Variants in FANCB observed in about 807,000 individuals in gnomAD.
FANCB encodes FA complementation group B, also known as Fanconi anemia group B protein.
FANCB carries 5 observed loss-of-function variants against 38.9 expected under a neutral mutation model. The observed-to-expected ratio is 0.13, with a 90% CI of 0.07 to 0.27. The LOEUF (loss-of-function observed/expected upper bound fraction) is 0.27. Among genes scored for constraint, FANCB ranks in the 10% least tolerant of loss-of-function variants. FANCB has a pLI of 1.00. For synonymous variants in FANCB, 236 were observed against 215.4 expected, an observed-to-expected ratio of 1.10 and a Z score of -0.84; for missense variants, 573 against 602.7, an observed-to-expected ratio of 0.95 and a Z score of 0.52.
the FANCB span, among the ~76,000 whole-genome samples, chrX:14,691,221 T>C: frequency 1.3e-4 from 14 of 111,143 alleles, no homozygotes; most frequent in Non-Finnish European, 2.6e-4. Flanking sequence ...TGGGGATATA[T>C]ACTTGATTTG....
chrX:14,767,301 C>T, the FANCB span, among the ~76,000 whole-genome samples: 1 of 111,956 alleles, frequency 8.9e-6, no homozygotes, highest in African/African-American at 3.2e-5. Context: ...TTTACACTCC[C>T]ACCAACAGTG....
the FANCB span, among the ~76,000 whole-genome samples, chrX:14,763,179 C>T: frequency 9.0e-6 from 1 of 111,672 alleles, no homozygotes; most frequent in African/African-American, 3.3e-5. Context: ...CACTTCCACT[C>T]CTAAATATCT....
chrX:14,833,675 G>A (rs1328878251), downstream of FANCB, among the ~76,000 whole-genome samples: 1 of 12,981 alleles, frequency 7.7e-5, no homozygotes, highest in Non-Finnish European at 1.4e-4. Flanking sequence ...GGCTGGGTGT[G>A]GGGGGGGTTC....
At chrX:14,756,755 CT>C in the FANCB span, among the ~76,000 whole-genome samples, 1 of 111,845 alleles carries the variant, frequency 8.9e-6, no homozygotes, top group Non-Finnish European at 1.9e-5. Flanking sequence ...AAAACAGTTT[CT>C]TTTGTTTTAT....
chrX:14,691,277 G>C, the FANCB span, among the ~76,000 whole-genome samples: 82 of 23,291 alleles, frequency 3.5e-3, 2 homozygotes, highest in Non-Finnish European at 1.3e-3. Flanking sequence ...TTGACTGTGT[G>C]TGTGTGTGTG....
intron 1 of FANCB, among the ~76,000 whole-genome samples, chrX:14,871,920 C>T (rs950568071): frequency 9.1e-6 from 1 of 109,849 alleles, no homozygotes; most frequent in Non-Finnish European, 1.9e-5. Flanking sequence ...GACATAGGCA[C>T]TGTTACTATC....
chrX:14,831,888 AT>A (rs1353700068), downstream of FANCB, among the ~76,000 whole-genome samples: 1 of 111,416 alleles, frequency 9.0e-6, no homozygotes, highest in Non-Finnish European at 1.9e-5. Flanking sequence ...GTAGCATGAA[AT>A]AGGGAGTAGC....
chrX:14,721,847 T>C, the FANCB span, among the ~76,000 whole-genome samples: 4 of 111,744 alleles, frequency 3.6e-5, no homozygotes, highest in South Asian at 1.5e-3. Context: ...GTGCTCTATC[T>C]GGAAATCTCC....
At chrX:14,855,630 T>G (rs2147418633) in intron 5 of FANCB, among the ~76,000 whole-genome samples, 1 of 112,655 alleles carries the variant, frequency 8.9e-6, no homozygotes, top group South Asian at 3.6e-4. Flanking sequence ...GTGTTTTTGC[T>G]TGAAAGAGAT....
chrX:14,840,322 C>T (rs2092351796), downstream of FANCB, among the ~76,000 whole-genome samples: 1 of 111,973 alleles, frequency 8.9e-6, no homozygotes, highest in South Asian at 3.7e-4. Flanking sequence ...ATAAGGGCCA[C>T]CTACTTCCAG....
chrX:14,754,846 A>C, the FANCB span, among the ~76,000 whole-genome samples: 1 of 111,587 alleles, frequency 9.0e-6, no homozygotes, highest in Admixed American at 9.5e-5. Context: ...CATTCTCTGA[A>C]ACCAGCATTA....
the FANCB span, among the ~76,000 whole-genome samples, chrX:14,693,342 A>G: frequency 8.9e-6 from 1 of 112,076 alleles, no homozygotes; most frequent in East Asian, 2.8e-4. Flanking sequence ...AATATTAGAT[A>G]AAGTAGACTT....
chrX:14,758,762 T>C, the FANCB span, among the ~76,000 whole-genome samples: 4 of 111,837 alleles, frequency 3.6e-5, no homozygotes, highest in Non-Finnish European at 7.5e-5. Flanking sequence ...TGACATAGTC[T>C]ACCCAAATGA....
the FANCB span, among the ~76,000 whole-genome samples, chrX:14,707,811 CTT>C: frequency 5.4e-4 from 59 of 109,901 alleles, no homozygotes; most frequent in African/African-American, 1.6e-3. Flanking sequence ...AGATGACAGT[CTT>C]TATTTTTTTT....
At chrX:14,816,466 CACTT>C in the FANCB span, among the ~76,000 whole-genome samples, 2 of 112,044 alleles carry the variant, frequency 1.8e-5, no homozygotes, top group East Asian at 5.6e-4. Flanking sequence ...AGACTTCAAA[CACTT>C]TATTTATTTT....
chrX:14,812,412 T>C, the FANCB span, among the ~76,000 whole-genome samples: 1 of 109,359 alleles, frequency 9.1e-6, no homozygotes, highest in South Asian at 3.8e-4. Context: ...ATTGATAGAC[T>C]GCTAGCAAGA....
At chrX:14,736,360 T>C in the FANCB span, among the ~76,000 whole-genome samples, 4 of 111,531 alleles carry the variant, frequency 3.6e-5, no homozygotes, top group Non-Finnish European at 7.5e-5. Context: ...CCCAGGGCCC[T>C]GGTGGTGTAG....
rs1018343095 is a variant in FANCB at position 14,853,077 on chromosome X, C to A, written c.1288G>T (p.Val430Phe). 8.3e-7 allele frequency: 1 copy of A among 1,200,885 alleles called. No individual in the cohort carries two copies. The change falls in exon 6 of 10, where the codon GTT becomes TTT. Residue 430 changes from valine to phenylalanine, a missense_variant. Transcript: ENST00000650831. ...SKSYKALINL[V>F]QGKDDNTSSA... ...GACGTATTATCATCTTTTCCTTGAA[C>A]TAGGTTTATTAAAGCTTTGTAAGAT...
chrX:14,814,939 G>C, the FANCB span, among the ~76,000 whole-genome samples: 1 of 112,126 alleles, frequency 8.9e-6, no homozygotes, highest in African/African-American at 3.2e-5. Flanking sequence ...ATCAGTGATA[G>C]ACTAGATTAA....
Sources: allele counts gnomAD v4.1 joint callset (sites outside exome capture counted in the v4.1 genomes callset), GRCh38; gene constraint gnomAD v4.1.1; transcripts MANE v1.5; gene names NCBI Gene and HGNC (gene_info 2026-07-23, HGNC 2026-07-21).